Variants in COPS7A observed in about 807,000 individuals in gnomAD.
COPS7A encodes the protein COP9 signalosome subunit 7A, also known as COP9 signalosome complex subunit 7a.
Under a neutral mutation model 35.2 loss-of-function variants are expected in COPS7A, and 20 were observed. The ratio of observed to expected loss-of-function variants is 0.57; its 90% CI spans 0.40 to 0.83. The LOEUF (loss-of-function observed/expected upper bound fraction) is 0.83, where lower values mean the gene tolerates loss of function less well. Among genes scored for constraint, COPS7A ranks in the 40% least tolerant of loss-of-function variants. The pLI is 0.00. For synonymous variants in COPS7A, 139 were observed against 141.4 expected (o/e 0.98, Z 0.12); for missense variants, 247 against 347.5 (o/e 0.71, Z 2.30).
intron 2 of COPS7A, among the ~76,000 whole-genome samples, chr12:6,725,339 A>T (rs1251231987): frequency 2.6e-5 from 4 of 151,888 alleles, no homozygotes; most frequent in African/African-American, 9.7e-5. Context: ...TTGTATTTTT[A>T]GTAGAGATGG....
chr12:6,726,352 T>G (rs1194740822), intron 2 of COPS7A, among the ~76,000 whole-genome samples: 1 of 143,704 alleles, frequency 7.0e-6, no homozygotes, highest in Non-Finnish European at 1.5e-5. Flanking sequence ...ATGCCTGTTC[T>G]CAGCACTTTG....
chr12:6,725,609 T>C (rs1941233292), intron 2 of COPS7A: 1 of 455,962 alleles, frequency 2.2e-6, no homozygotes, highest in African/African-American at 2.0e-5. Context: ...TATGCTAATC[T>C]ATTCAAGTTA....
chr12:6,729,077 G>A lies in COPS7A; in HGVS notation c.328-170G>A. ...CTTCTAATGATGCTGTTTTTGAAGT[G>A]GGAATACTTTTATTTATTTTGCTTT... On this transcript the variant is annotated intron_variant, in intron 4 of 7. Transcript: ENST00000543155. This position sits in a 1 kb window ranked among gnomAD's most constrained non-coding sequence, Gnocchi z 4.2. 1 of 624,670 alleles carries A rather than the reference G, an allele frequency of 1.6e-6. No homozygotes were observed. Among genetic ancestry groups the A allele is most frequent in the Non-Finnish European group, 2.8e-6 (1 of 355,652 alleles). 38.7% of individuals were successfully genotyped at this position (624,670 alleles called of 1,614,324 possible).
intron 2 of COPS7A, among the ~76,000 whole-genome samples, chr12:6,727,156 G>A (rs996347829): frequency 9.2e-5 from 14 of 152,206 alleles, no homozygotes; most frequent in African/African-American, 3.1e-4. Context: ...GGCCAATGTG[G>A]CGAAACCCTG....
In COPS7A at chr12:6,729,159, A is replaced by G. The variant is rs1320445407; in HGVS notation, c.328-88A>G. The G allele has an allele frequency of 1.5e-5, 21 of 1,366,664 alleles. No homozygotes were observed. The highest frequency in any genetic ancestry group is 2.2e-5 in the Non-Finnish European group (21 of 962,300). The allele number at this position is 1,366,664 out of a possible 1,614,324, so 84.7% of individuals were successfully genotyped here. On this transcript the variant is annotated intron_variant, in intron 4 of 7. Coordinates refer to ENST00000543155, the MANE Select transcript of COPS7A (RefSeq NM_001164094.2). The surrounding 1 kb of genome is among the most constrained non-coding windows in gnomAD (Gnocchi z 4.2). ...AATGGGAGTGGAGGGCAGGTGGGCTAGGGCAGGGGGAAAAGGAGGGAAGAT... is the reference window on the plus strand; with the variant it reads ...AATGGGAGTGGAGGGCAGGTGGGCTGGGGCAGGGGGAAAAGGAGGGAAGAT...
At chr12:6,726,128 C>T (rs974803841) in intron 2 of COPS7A, among the ~76,000 whole-genome samples, 1 of 150,442 alleles carries the variant, frequency 6.6e-6, no homozygotes, top group Non-Finnish European at 1.5e-5. Context: ...TCCTGGCTAA[C>T]ATGGTGAAAC....
chr12:6,730,586 T>C, intron 6 of COPS7A, 79 bp downstream of exon 6: 1 of 1,610,916 alleles, frequency 6.2e-7, no homozygotes, highest in Non-Finnish European at 8.5e-7. Context: ...ATTTGGACAG[T>C]GGCTGTAGCA....
chr12:6,724,984 G>A (rs1474802274), intron 2 of COPS7A, among the ~76,000 whole-genome samples, 166 bp downstream of exon 2: 2 of 152,126 alleles, frequency 1.3e-5, no homozygotes, highest in Non-Finnish European at 2.9e-5. Context: ...AAGCAAACCA[G>A]CTCTCCTTTG....
rs1411465224 is a variant in COPS7A at position 6,729,100 on chromosome 12, T to C, written c.328-147T>C. ...GTGGGAATACTTTTATTTATTTTGCTTTAGAACCAGCCTCTTAGAGGAAGT... is the reference window on the plus strand; with the variant it reads ...GTGGGAATACTTTTATTTATTTTGCCTTAGAACCAGCCTCTTAGAGGAAGT... On this transcript the variant is annotated intron_variant, in intron 4 of 7. Transcript: ENST00000543155. This position sits in a 1 kb window ranked among gnomAD's most constrained non-coding sequence, Gnocchi z 4.2. 1 of 698,998 alleles carries C rather than the reference T, an allele frequency of 1.4e-6. No homozygotes were observed. Among genetic ancestry groups the C allele is most frequent in the East Asian group, 2.6e-5 (1 of 37,922 alleles). The allele number at this position is 698,998 out of a possible 1,614,324, so 43.3% of individuals were successfully genotyped here.
chr12:6,731,409 C>G lies in COPS7A; in HGVS notation c.*370C>G. On this transcript the variant is annotated 3_prime_UTR_variant, in exon 8 of 8. Coordinates refer to ENST00000543155, the MANE Select transcript of COPS7A (RefSeq NM_001164094.2). Reference sequence around the variant, plus strand: ...ACCCACAGGCGTTTTTTCTGCCACCCCATCCCTGCATGCCTGATCCCCAGT... The same window carrying G: ...ACCCACAGGCGTTTTTTCTGCCACCGCATCCCTGCATGCCTGATCCCCAGT... 9.5e-7 allele frequency: 1 copy of G among 1,054,838 alleles called. No homozygotes were observed. The highest frequency in any genetic ancestry group is 1.3e-6 in the Non-Finnish European group (1 of 796,214). 65.3% of individuals were successfully genotyped at this position (1,054,838 alleles called of 1,614,324 possible).
At chr12:6,724,878 T>C in intron 2 of COPS7A, 60 bp downstream of exon 2, 3 of 1,571,156 alleles carry the variant, frequency 1.9e-6, no homozygotes, top group Non-Finnish European at 2.6e-6. Flanking sequence ...AATTTGAGAA[T>C]GGGTGGGCAG....
At position 6,731,502 on chromosome 12, in the gene COPS7A, AC is replaced by A; in HGVS notation, c.*466del. On this transcript the variant is annotated 3_prime_UTR_variant, in exon 8 of 8. Coordinates refer to ENST00000543155, the MANE Select transcript of COPS7A (RefSeq NM_001164094.2). The stretch of plus-strand genomic sequence containing the variant: ...CCATAGGGCCCCCACCTTTACTCAC[AC>A]CCTGAGAATTCTGGGAGCCAGTCTG... 1 of 250,532 alleles carries A rather than the reference AC, an allele frequency of 4.0e-6. No individual in the cohort carries two copies. The highest frequency in any genetic ancestry group is 7.3e-6 in the Non-Finnish European group (1 of 136,732). The allele number at this position is 250,532 out of a possible 1,614,324, so 15.5% of individuals were successfully genotyped here.
chr12:6,728,010 AG>A lies in COPS7A; in HGVS notation c.238+13del, dbSNP rs781197258. ...ATACGCTGACTACTTAGGTAACCAG[AG>A]GGGTTGGTGCTCTGGAGTAATGGAG... On this transcript the variant is annotated intron_variant, in intron 3 of 7. Coordinates refer to ENST00000543155, the MANE Select transcript of COPS7A (RefSeq NM_001164094.2). The A allele has an allele frequency of 7.4e-6, 12 of 1,613,740 alleles. No homozygotes were observed. Among genetic ancestry groups the A allele is most frequent in the Non-Finnish European group, 6.8e-6 (8 of 1,179,830 alleles).
At position 6,731,239 on chromosome 12, in the gene COPS7A, G is replaced by T. The variant is rs988674299; in HGVS notation, c.*200G>T. On this transcript the variant is annotated 3_prime_UTR_variant, in exon 8 of 8. Transcript: ENST00000543155. ...GGTCATGTTTTTGTTGGTACTTTCT[G>T]TTTTTTGTGACTTCATGTGTTCCAT... 2.7e-6 allele frequency: 4 copies of T among 1,465,010 alleles called. No individual in the cohort carries two copies. The East Asian group carries it at 1.0e-4, about 37-fold the overall frequency. 90.8% of individuals were successfully genotyped at this position (1,465,010 alleles called of 1,614,324 possible). A position where few individuals can be genotyped will look rare whatever the true frequency, so the allele number is the denominator to read the frequency against.
intron 1 of COPS7A, chr12:6,724,407 G>T (rs955595092): frequency 2.3e-5 from 13 of 568,572 alleles, no homozygotes; most frequent in African/African-American, 1.7e-4. Flanking sequence ...GATGGGGCTT[G>T]GGGTTAGGCC....
rs755773403 is a variant in COPS7A, at chr12:6,729,947, G to A, written c.531-455G>A. ...TTCCTTATCCCTCTCTGACCACACC[G>A]AGTGTCCATCCCACTGCTAGGAGTG... On this transcript the variant is annotated intron_variant, in intron 5 of 7. Coordinates refer to ENST00000543155, the MANE Select transcript of COPS7A (RefSeq NM_001164094.2). The surrounding 1 kb of genome is among the most constrained non-coding windows in gnomAD (Gnocchi z 4.2). Among the ~76,000 whole-genome samples the A allele has an allele frequency of 1.3e-5, 2 of 152,170 alleles. No individual in the cohort carries two copies. The highest frequency in any genetic ancestry group is 1.9e-4 in the East Asian group (1 of 5,178).
chr12:6,724,641 C>G lies in COPS7A; in HGVS notation c.-16C>G, dbSNP rs780036096. ...CTGGACATCCTGAGCCCAAGTCCCC[C>G]ACACTCAGTGCAGTGATGAGTGCGG... On this transcript the variant is annotated 5_prime_UTR_variant, in exon 2 of 8. Transcript: ENST00000543155. 6.2e-7 allele frequency: 1 copy of G among 1,613,992 alleles called. No individual in the cohort carries two copies.
Position 6,730,694 on chromosome 12 carries a change from A to G in COPS7A, c.662A>G (p.Lys221Arg). The stretch of plus-strand genomic sequence containing the variant: ...GTTGCCAACCTTAAAAAAACCATTA[A>G]AGTTACGACGGCAGCAGCAGCCGCA... ...SEVANLKKTI[K>R]VTTAAAAAAT... is the part of the protein sequence containing the mutation. The change falls in exon 7 of 8, where the codon AAA (lysine) becomes AGA (arginine). Residue 221 changes from lysine (K) to arginine (R), a missense_variant. Lys to Arg is a conservative substitution (Grantham distance 26, BLOSUM62 2). Coordinates refer to ENST00000543155, the MANE Select transcript of COPS7A (RefSeq NM_001164094.2). 6.2e-7 allele frequency: 1 copy of G among 1,614,088 alleles called. No homozygotes were observed. Among genetic ancestry groups the G allele is most frequent in the African/African-American group, 1.3e-5 (1 of 75,006 alleles).
chr12:6,727,022 C>T (rs1200496482), intron 2 of COPS7A, among the ~76,000 whole-genome samples: 1 of 152,228 alleles, frequency 6.6e-6, no homozygotes, highest in Non-Finnish European at 1.5e-5. Context: ...TAGCAACCTT[C>T]TGCAAGGATT....
Sources: gnomAD v4.1 joint callset for allele counts (sites outside exome capture counted in the v4.1 genomes callset) on GRCh38, gnomAD v4.1.1 for gene constraint, Gnocchi (gnomAD v3.1) non-coding constraint, MANE v1.5 for transcripts, NCBI Gene and HGNC (gene_info 2026-07-23, HGNC 2026-07-21) for gene names.